The following AGRN variants were observed in gnomAD, a reference collection of about 807,000 sequenced individuals.
AGRN encodes agrin proteoglycan.
Under a neutral mutation model 211.0 loss-of-function variants are expected in AGRN, and 106 were observed. The ratio of observed to expected loss-of-function variants is 0.50; its 90% CI spans 0.43 to 0.59. The LOEUF (loss-of-function observed/expected upper bound fraction) is 0.59, where lower values mean the gene tolerates loss of function less well. AGRN is among the 20% of genes least tolerant of loss of function. AGRN has a pLI of 0.00. For synonymous variants in AGRN, 1,525 were observed against 1,332.5 expected (o/e 1.14, Z -3.15); for missense variants, 3,040 against 2,982.6 (o/e 1.02, Z -0.45).
intron 2 of AGRN, among the ~76,000 whole-genome samples, chr1:1,028,320 G>GCACCC (rs779617012): frequency 0.013 from 1,349 of 105,098 alleles, 123 homozygotes; most frequent in African/African-American, 0.022. Context: ...GTGGGGAAAC[G>GCACCC]CCCCCCCCCC....
Position 1,032,365 on chromosome 1 carries a change from T to TTCCC in AGRN, c.464-2911_464-2908dup, listed in dbSNP as rs1365243680. 6.6e-6 allele frequency among the ~76,000 whole-genome samples: 1 copy of TTCCC among 152,148 alleles called. No homozygotes were observed. Among genetic ancestry groups the TTCCC allele is most frequent in the Non-Finnish European group, 1.5e-5 (1 of 68,018 alleles). On this transcript the variant is annotated intron_variant, in intron 2 of 35. Coordinates refer to ENST00000379370, the MANE Select transcript of AGRN (RefSeq NM_198576.4). The surrounding 1 kb of genome is among the most constrained non-coding windows in gnomAD (Gnocchi z 4.7). The stretch of plus-strand genomic sequence containing the variant: ...GAGAGGGAGCTGGCAAGACAGGACC[T>TTCCC]TCCCAGCTAAGGTGGGGTTGGTGGG...
Position 1,050,550 on chromosome 1 carries a change from G to A in AGRN, c.5100G>A (p.Leu1700=). ...FVSLALRDRR[L]EFRYDLGKGA... ...CGCTGGCACTGCGGGACCGCCGCCT[G>A]GAGTTCCGCTACGACCTGGGCAAGG... is the stretch of plus-strand genomic sequence containing the variant. Residue 1700 remains leucine, a synonymous_variant, in exon 29 of 36, where the codon CTG becomes CTA. Transcript: ENST00000379370. 1.2e-6 allele frequency: 2 copies of A among 1,612,550 alleles called. No homozygotes were observed. The highest frequency in any genetic ancestry group is 8.5e-7 in the Non-Finnish European group (1 of 1,179,782).
intron 3 of AGRN, among the ~76,000 whole-genome samples, chr1:1,036,801 G>A (rs1644815250): frequency 1.3e-5 from 2 of 152,322 alleles, no homozygotes; most frequent in South Asian, 4.1e-4. Context: ...GAGGAGACCG[G>A]TCTGCGTGGC....
At chr1:1,041,033 G>T (rs1644917599) in intron 4 of AGRN, 140 bp from the exon 5 acceptor site, 1 of 560,056 alleles carries the variant, frequency 1.8e-6, no homozygotes, top group Admixed American at 5.7e-5. Context: ...GGGCGGAGCG[G>T]GGCGGGAGCG....
Position 1,055,446 on chromosome 1 carries a change from G to A in AGRN, c.*465G>A, listed in dbSNP as rs187481882. 7.9e-5 allele frequency: 23 copies of A among 290,366 alleles called. No homozygotes were observed. Among genetic ancestry groups the A allele is most frequent in the East Asian group, 4.7e-4 (5 of 10,744 alleles). The allele number at this position is 290,366 out of a possible 1,614,324, so 18.0% of individuals were successfully genotyped here. ...TCTGGGCCCTGCCTCGGCCTCCTGCGCCAATACTGTGACTTCCAAACAATG... is the reference window on the plus strand; with the variant it reads ...TCTGGGCCCTGCCTCGGCCTCCTGCACCAATACTGTGACTTCCAAACAATG... On this transcript the variant is annotated 3_prime_UTR_variant, in exon 36 of 36. Transcript: ENST00000379370.
rs775059552 is a variant in AGRN, at chr1:1,048,237, C to A, written c.3977C>A (p.Pro1326His). 1.9e-6 allele frequency: 3 copies of A among 1,545,408 alleles called. No homozygotes were observed. Among genetic ancestry groups the A allele is most frequent in the East Asian group, 2.4e-5 (1 of 41,260 alleles). The change falls in exon 23 of 36, where the codon CCC becomes CAC. Residue 1326 changes from proline (P) to histidine (H), a missense_variant. Physicochemically the swap from Pro to His is moderately conservative, Grantham distance 77. Around this residue, in one of 3 missense-constraint regions of AGRN, gnomAD observed 1,537 missense variants for 1,505.0 expected, o/e 1.02. Coordinates refer to ENST00000379370, the MANE Select transcript of AGRN (RefSeq NM_198576.4). The surrounding 1 kb of genome is among the most constrained non-coding windows in gnomAD (Gnocchi z 5.9). ...SRVPGRRPPAPQQPPKPCDSQ... is the reference protein window; with the variant it reads ...SRVPGRRPPAHQQPPKPCDSQ... Reference sequence around the variant, plus strand: ...GTGCCCGGACGTCGGCCCCCGGCCCCCCAGCAGCCTCCAAAGCCCTGTGAC... The same window carrying A: ...GTGCCCGGACGTCGGCCCCCGGCCCACCAGCAGCCTCCAAAGCCCTGTGAC...
chr1:1,034,153 A>G (rs1190584997), intron 2 of AGRN: 13 of 985,042 alleles, frequency 1.3e-5, no homozygotes, highest in Non-Finnish European at 1.6e-5. Context: ...CGGGGACAGC[A>G]GACCCTCGGC....
At chr1:1,051,039 G>C in intron 30 of AGRN, 1 of 1,549,028 alleles carries the variant, frequency 6.5e-7, no homozygotes, top group Non-Finnish European at 8.7e-7. Context: ...CAGAAATCCC[G>C]CAAGGTACTG....
intron 5 of AGRN, 35 bp downstream of exon 5, chr1:1,041,432 G>T: frequency 6.4e-7 from 1 of 1,551,608 alleles, no homozygotes; most frequent in South Asian, 1.2e-5. Flanking sequence ...CTCGAGCTCT[G>T]TGGGCGCGCG....
In AGRN at chr1:1,022,409, G is replaced by A. The variant is rs376542441; in HGVS notation, c.410G>A (p.Ser137Asn). The part of the protein sequence containing the change: ...AHKNELMLNS[S>N]LMRITLRNLE... Reference sequence around the variant, plus strand: ...AAGAACGAGCTGATGCTCAACTCCAGCCTCATGCGGATCACCCTGCGGAAC... The same window carrying A: ...AAGAACGAGCTGATGCTCAACTCCAACCTCATGCGGATCACCCTGCGGAAC... The change falls in exon 2 of 36, where the codon AGC becomes AAC. Residue 137 changes from serine (S) to asparagine (N), a missense_variant. Ser to Asn is a conservative substitution (Grantham distance 46, BLOSUM62 1). Transcript: ENST00000379370. 6.2e-7 allele frequency: 1 copy of A among 1,613,330 alleles called. No homozygotes were observed. The highest frequency in any genetic ancestry group is 8.5e-7 in the Non-Finnish European group (1 of 1,179,894).
chr1:1,038,269 A>C (rs1469553509), intron 3 of AGRN, among the ~76,000 whole-genome samples: 2 of 152,146 alleles, frequency 1.3e-5, no homozygotes, highest in African/African-American at 4.8e-5. Context: ...CTGGCCCTGC[A>C]CACCAGATGG....
rs150875547 is a variant in AGRN, at chr1:1,054,179, C to T, written c.5876+202C>T. ...CAGTTTCCACGTCTGAAAGGCATCC[C>T]GGCCCTGCCCGGAGCCTGCCGGGGG... On this transcript the variant is annotated intron_variant, in intron 34 of 35. Coordinates refer to ENST00000379370, the MANE Select transcript of AGRN (RefSeq NM_198576.4). Among the ~76,000 whole-genome samples, 177 of 152,342 alleles carry T rather than the reference C, an allele frequency of 1.2e-3. 1 individual carries two copies. The highest frequency in any genetic ancestry group is 4.0e-3 in the African/African-American group (166 of 41,580).
Position 1,048,949 on chromosome 1 carries a change from G to C in AGRN, c.4188G>C (p.Leu1396=). 6.4e-7 allele frequency: 1 copy of C among 1,569,168 alleles called. No individual in the cohort carries two copies. Among genetic ancestry groups the C allele is most frequent in the Non-Finnish European group, 8.6e-7 (1 of 1,158,660 alleles). ...TCCGCGCCTACCACACGCTGCGCCT[G>C]GCACTGGAATTCCGGGCGCTGGAGC... ...PTLRAYHTLR[L]ALEFRALEPQ... The change falls in exon 24 of 36, where the codon CTG becomes CTC. Residue 1396 remains leucine, a synonymous_variant. Coordinates refer to ENST00000379370, the MANE Select transcript of AGRN (RefSeq NM_198576.4). This position sits in a 1 kb window ranked among gnomAD's most constrained non-coding sequence, Gnocchi z 5.9.
Position 1,050,733 on chromosome 1 carries a change from G to A in AGRN, c.5149G>A (p.Glu1717Lys). The A allele has an allele frequency of 6.2e-7, 1 of 1,602,612 alleles. No homozygotes were observed. ...GCTGCCCCTCCTCACCAGGAGCAGG[G>A]AGCCAGTCACCCTGGGAGCCTGGAC... ...GKGAAVIRSR[E>K]PVTLGAWTRV... The change falls in exon 30 of 36, where the codon GAG becomes AAG. Residue 1717 changes from glutamate to lysine, a missense_variant. Physicochemically the swap from Glu to Lys is moderately conservative, Grantham distance 56. Around this residue, in one of 3 missense-constraint regions of AGRN, gnomAD observed 1,537 missense variants for 1,505.0 expected, o/e 1.02. Coordinates refer to ENST00000379370, the MANE Select transcript of AGRN (RefSeq NM_198576.4).
intron 2 of AGRN, chr1:1,034,970 G>A (rs1363016126): frequency 5.8e-6 from 3 of 520,454 alleles, no homozygotes; most frequent in East Asian, 6.3e-5. Context: ...GTTGGGGGTA[G>A]GGCAGGACCT....
intron 2 of AGRN, among the ~76,000 whole-genome samples, chr1:1,024,628 C>T (rs569794272): frequency 1.8e-4 from 28 of 152,220 alleles, no homozygotes; most frequent in East Asian, 3.9e-4. Flanking sequence ...CACCCCTGCC[C>T]GGACACCGCC....
In AGRN at chr1:1,032,840, G is replaced by A. The variant is rs1644702049; in HGVS notation, c.464-2437G>A. ...GTGGCCAGGGGTGTGCGGGGGCGCTGAGGTGCGGTCGCCGAGAGATTCTGG... is the reference window on the plus strand; with the variant it reads ...GTGGCCAGGGGTGTGCGGGGGCGCTAAGGTGCGGTCGCCGAGAGATTCTGG... On this transcript the variant is annotated intron_variant, in intron 2 of 35. Transcript: ENST00000379370. The surrounding 1 kb of genome is among the most constrained non-coding windows in gnomAD (Gnocchi z 4.7). Among the ~76,000 whole-genome samples, 1 of 152,134 alleles carries A rather than the reference G, an allele frequency of 6.6e-6. No individual in the cohort carries two copies. The highest frequency in any genetic ancestry group is 2.1e-4 in the South Asian group (1 of 4,832).
In AGRN at chr1:1,051,750, G is replaced by C; in HGVS notation, c.5586G>C (p.Gly1862=). The part of the protein sequence containing the change: ...CEKGLVEKSA[G]DVDTLAFDGR... Reference sequence around the variant, plus strand: ...CAGGGCTGGTGGAGAAGTCAGCGGGGGACGTGGATACCTTGGCCTTTGACG... The same window carrying C: ...CAGGGCTGGTGGAGAAGTCAGCGGGCGACGTGGATACCTTGGCCTTTGACG... Residue 1862 remains glycine (G), a synonymous_variant, in exon 33 of 36, where the codon GGG becomes GGC. Coordinates refer to ENST00000379370, the MANE Select transcript of AGRN (RefSeq NM_198576.4). 1 of 1,613,876 alleles carries C rather than the reference G, an allele frequency of 6.2e-7. No individual in the cohort carries two copies. Among genetic ancestry groups the C allele is most frequent in the Non-Finnish European group, 8.5e-7 (1 of 1,179,974 alleles).
intron 30 of AGRN, 104 bp from the exon 31 acceptor site, chr1:1,051,149 C>CTCT: frequency 7.9e-7 from 1 of 1,269,242 alleles, no homozygotes; most frequent in Non-Finnish European, 1.1e-6. Flanking sequence ...ACGCTGCCCC[C>CTCT]TAGATAGGCA....
Sources: allele counts gnomAD v4.1 joint callset (sites outside exome capture counted in the v4.1 genomes callset), GRCh38; gene constraint gnomAD v4.1.1; regional missense constraint gnomAD v4.1.1; non-coding constraint Gnocchi (gnomAD v3.1); transcripts MANE v1.5; gene names NCBI Gene and HGNC (gene_info 2026-07-23, HGNC 2026-07-21).